GNAZ: variants seen among roughly 807,000 people sequenced by gnomAD.
GNAZ encodes the protein G protein subunit alpha z.
Under a neutral mutation model 25.4 loss-of-function variants are expected in GNAZ, and 3 were observed. The observed-to-expected ratio is 0.12, with a 90% CI of 0.05 to 0.30. The LOEUF (loss-of-function observed/expected upper bound fraction) is 0.30, where lower values mean the gene tolerates loss of function less well. Among genes scored for constraint, GNAZ ranks in the 10% least tolerant of loss-of-function variants. GNAZ has a pLI of 1.00. For synonymous variants in GNAZ, 211 were observed against 205.7 expected (o/e 1.03, Z -0.22); for missense variants, 241 against 501.8 (o/e 0.48, Z 4.97).
intron 2 of GNAZ, 139 bp from the exon 3 acceptor site, chr22:23,122,948 C>G: frequency 1.6e-6 from 1 of 624,072 alleles, no homozygotes; most frequent in Non-Finnish European, 2.8e-6. Flanking sequence ...CTGGGCTTCC[C>G]CAGCAGAAGG....
At chr22:23,101,064 G>C (rs2069288480) in intron 2 of GNAZ, among the ~76,000 whole-genome samples, 1 of 152,214 alleles carries the variant, frequency 6.6e-6, no homozygotes, top group African/African-American at 2.4e-5. Context: ...TGATGACAGA[G>C]CTGGTTATAT....
intron 2 of GNAZ, among the ~76,000 whole-genome samples, chr22:23,107,442 G>A (rs2069515495): frequency 6.6e-6 from 1 of 152,212 alleles, no homozygotes; most frequent in African/African-American, 2.4e-5. Flanking sequence ...GAAAAGTCGA[G>A]GGCCTCATGA....
intron 2 of GNAZ, among the ~76,000 whole-genome samples, chr22:23,109,751 T>A (rs2069591995): frequency 6.6e-6 from 1 of 152,140 alleles, no homozygotes; most frequent in Admixed American, 6.5e-5. Context: ...GCTAGAGGAA[T>A]GGAAACAGCT....
intron 2 of GNAZ, among the ~76,000 whole-genome samples, chr22:23,120,725 C>T (rs562388218): frequency 2.3e-4 from 35 of 152,060 alleles, no homozygotes; most frequent in African/African-American, 7.5e-4. Context: ...TTCCCAACCC[C>T]GGAGGAAGCC....
chr22:23,081,977 T>C (rs1386384197), intron 1 of GNAZ, among the ~76,000 whole-genome samples: 1 of 150,716 alleles, frequency 6.6e-6, no homozygotes, highest in Non-Finnish European at 1.5e-5. Flanking sequence ...TACAAAAAAT[T>C]AGCTGGGTGT....
chr22:23,075,221 TG>T (rs908767287), intron 1 of GNAZ, among the ~76,000 whole-genome samples: 4 of 151,962 alleles, frequency 2.6e-5, no homozygotes, highest in Non-Finnish European at 5.9e-5. Flanking sequence ...CTTCCCTGAG[TG>T]GGCGGGTGGG....
chr22:23,095,992 C>A lies in GNAZ; in HGVS notation c.297C>A (p.Asp99Glu), dbSNP rs1310716515. Residue 99 changes from aspartate (D) to glutamate (E), a missense_variant, in exon 2 of 3, where the codon GAC becomes GAA. Physicochemically the swap from Asp to Glu is conservative, Grantham distance 45. Coordinates refer to ENST00000615612, the MANE Select transcript of GNAZ (RefSeq NM_002073.4). ...TCAGGATCGACTTCCACAACCCCGACCGCGCCTACGACGCTGTGCAGCTCT... is the reference window on the plus strand; with the variant it reads ...TCAGGATCGACTTCCACAACCCCGAACGCGCCTACGACGCTGTGCAGCTCT... ...AALRIDFHNP[D>E]RAYDAVQLFA... is the part of the protein sequence containing the mutation. The A allele has an allele frequency of 6.2e-7, 1 of 1,609,692 alleles. No individual in the cohort carries two copies. Among genetic ancestry groups the A allele is most frequent in the East Asian group, 2.2e-5 (1 of 44,874 alleles).
intron 2 of GNAZ, 47 bp downstream of exon 2, chr22:23,096,465 G>T (rs2069126949): frequency 3.2e-6 from 5 of 1,553,058 alleles, no homozygotes; most frequent in Non-Finnish European, 4.3e-6. Flanking sequence ...GCTGTCGTGG[G>T]TTCCTGGAAG....
chr22:23,099,495 T>A (rs1207220081), intron 2 of GNAZ, among the ~76,000 whole-genome samples: 3 of 152,220 alleles, frequency 2.0e-5, no homozygotes, highest in Non-Finnish European at 4.4e-5. Context: ...CAAGGGGGTT[T>A]TTCTGGCGCA....
intron 1 of GNAZ, among the ~76,000 whole-genome samples, chr22:23,090,946 G>A (rs2068954246): frequency 6.6e-6 from 1 of 152,208 alleles, no homozygotes; most frequent in Non-Finnish European, 1.5e-5. Flanking sequence ...GCAAGTAAGT[G>A]TGGGATGCTG....
At chr22:23,118,753 G>A (rs748663008) in intron 2 of GNAZ, among the ~76,000 whole-genome samples, 3 of 152,210 alleles carry the variant, frequency 2.0e-5, no homozygotes, top group Non-Finnish European at 4.4e-5. Context: ...CTACCATGGG[G>A]CAGGGCCACA....
chr22:23,086,745 A>G (rs889055440), intron 1 of GNAZ, among the ~76,000 whole-genome samples: 2 of 152,360 alleles, frequency 1.3e-5, no homozygotes, highest in Middle Eastern at 3.4e-3. Context: ...GAGAGGGGAA[A>G]TGCAGTCATG....
rs2068366024 is a variant in GNAZ at position 23,071,281 on chromosome 22, C to G, written c.-450+711C>G. ...GTATCCTGCGGGCGATCCGAGGGGG[C>G]TCTGCCTTTAGGGCGGTGCTGAGCC... On this transcript the variant is annotated intron_variant, in intron 1 of 2. Transcript: ENST00000615612. This position sits in a 1 kb window ranked among gnomAD's most constrained non-coding sequence, Gnocchi z 4.1. 6.6e-6 allele frequency among the ~76,000 whole-genome samples: 1 copy of G among 152,176 alleles called. No individual in the cohort carries two copies. The highest frequency in any genetic ancestry group is 2.1e-4 in the South Asian group (1 of 4,836).
At position 23,123,204 on chromosome 22, in the gene GNAZ, C is replaced by T. The variant is rs772358501; in HGVS notation, c.841C>T (p.Arg281Cys). Reference protein sequence around the residue: ...KKDLLAEKIRRIPLTICFPEY... With the variant: ...KKDLLAEKIRCIPLTICFPEY... The stretch of plus-strand genomic sequence containing the variant: ...GGACCTGCTGGCAGAGAAGATCCGC[C>T]GCATCCCGCTCACCATCTGCTTTCC... Residue 281 changes from arginine to cysteine, a missense_variant, in exon 3 of 3, where the codon CGC (arginine) becomes TGC (cysteine). Coordinates refer to ENST00000615612, the MANE Select transcript of GNAZ (RefSeq NM_002073.4). The T allele has an allele frequency of 5.0e-6, 8 of 1,614,064 alleles. No homozygotes were observed. Among genetic ancestry groups the T allele is most frequent in the Non-Finnish European group, 6.8e-6 (8 of 1,179,940 alleles).
intron 2 of GNAZ, among the ~76,000 whole-genome samples, chr22:23,108,397 T>G (rs1157667151): frequency 6.6e-6 from 1 of 152,256 alleles, no homozygotes; most frequent in East Asian, 1.9e-4. Context: ...GTCTGATAGC[T>G]GACCAGCTAC....
intron 2 of GNAZ, among the ~76,000 whole-genome samples, chr22:23,100,301 A>G (rs532216402): frequency 6.6e-6 from 1 of 152,358 alleles, no homozygotes; most frequent in East Asian, 1.9e-4. Flanking sequence ...AGTTCCCAGC[A>G]GTGTCCCCAT....
At chr22:23,082,962 A>G (rs1227159409) in intron 1 of GNAZ, among the ~76,000 whole-genome samples, 1 of 152,008 alleles carries the variant, frequency 6.6e-6, no homozygotes, top group Non-Finnish European at 1.5e-5. Context: ...GGTCAAGATC[A>G]TATTAAGGTG....
chr22:23,094,884 C>G (rs1165606345), intron 1 of GNAZ, among the ~76,000 whole-genome samples: 2 of 152,250 alleles, frequency 1.3e-5, no homozygotes, highest in African/African-American at 4.8e-5. Flanking sequence ...TGAGCTCTAT[C>G]AGTGCTGTCT....
intron 1 of GNAZ, among the ~76,000 whole-genome samples, chr22:23,090,133 C>T (rs545410307): frequency 4.5e-4 from 68 of 152,256 alleles, no homozygotes; most frequent in Non-Finnish European, 9.0e-4. Context: ...CTCATCTGTA[C>T]TGAGCCCTGG....
Sources: allele counts gnomAD v4.1 joint callset (sites outside exome capture counted in the v4.1 genomes callset), GRCh38; gene constraint gnomAD v4.1.1; non-coding constraint Gnocchi (gnomAD v3.1); transcripts MANE v1.5; gene names NCBI Gene and HGNC (gene_info 2026-07-23, HGNC 2026-07-21).